The following DAPK2 variants were observed in gnomAD, a reference collection of about 807,000 sequenced individuals.
The protein encoded by DAPK2 is death-associated protein kinase 2.
Under a neutral mutation model 44.1 loss-of-function variants are expected in DAPK2, and 35 were observed. The ratio of observed to expected loss-of-function variants is 0.79; its 90% CI spans 0.61 to 1.05. The LOEUF (loss-of-function observed/expected upper bound fraction) is 1.05, where lower values mean the gene tolerates loss of function less well. Among genes scored for constraint, DAPK2 ranks in the 50% least tolerant of loss-of-function variants. The probability of loss-of-function intolerance (pLI) is 0.00; values close to 1 mark genes in which losing one functional copy is unlikely to be tolerated. For missense variants in DAPK2, 453 were observed against 483.2 expected (o/e 0.94, Z 0.59); for synonymous variants, 174 against 182.6 (o/e 0.95, Z 0.38).
chr15:63,909,603 A>G (rs887338585), intron 10 of DAPK2: 1 of 152,122 alleles, frequency 6.6e-6, no homozygotes, highest in African/African-American at 2.4e-5. Flanking sequence ...GGGATTCGAG[A>G]CCAGCCCAGC....
chr15:63,992,033 T>G (rs4776703), intron 1 of DAPK2, among the ~76,000 whole-genome samples: 145,593 of 152,206 alleles, frequency 0.96, 69,958 homozygotes, highest in East Asian at 1. Flanking sequence ...TGTTGCGGGG[T>G]ACAGGGAGTC....
chr15:64,012,465 T>C lies in DAPK2; in HGVS notation c.92+27705A>G, dbSNP rs140804941. On this transcript the variant is annotated intron_variant, in intron 1 of 10. Transcript: ENST00000261891. ...GCAGACAGCAGATGAGTAAATGAGG[T>C]ATGCAGATGTATGTAAAAAGATGCG... Among the ~76,000 whole-genome samples, 198 of 152,326 alleles carry C rather than the reference T, an allele frequency of 1.3e-3. 1 individual carries two copies. The highest frequency in any genetic ancestry group is 4.3e-3 in the African/African-American group (179 of 41,572).
At chr15:63,986,760 G>A (rs911817534) in intron 1 of DAPK2, among the ~76,000 whole-genome samples, 19 of 152,202 alleles carry the variant, frequency 1.2e-4, no homozygotes, top group African/African-American at 4.3e-4. Context: ...AACTCCTAGT[G>A]TTTAAGTCTC....
chr15:64,031,876 T>C (rs1020254528), intron 1 of DAPK2, among the ~76,000 whole-genome samples: 2 of 152,180 alleles, frequency 1.3e-5, no homozygotes, highest in Non-Finnish European at 2.9e-5. Context: ...GTCCGGTAAA[T>C]GGAAGTAATT....
chr15:63,948,384 A>T (rs1369862815), intron 3 of DAPK2, among the ~76,000 whole-genome samples: 1 of 151,432 alleles, frequency 6.6e-6, no homozygotes, highest in Non-Finnish European at 1.5e-5. Flanking sequence ...GCTTACACTC[A>T]TGGCAGAAGG....
intron 2 of DAPK2, among the ~76,000 whole-genome samples, chr15:63,982,866 G>A (rs1465814650): frequency 6.6e-6 from 1 of 152,144 alleles, no homozygotes; most frequent in Non-Finnish European, 1.5e-5. Context: ...GATTAAATAA[G>A]GTACAGAAGT....
At chr15:64,027,187 A>T (rs925999443) in intron 1 of DAPK2, among the ~76,000 whole-genome samples, 1 of 152,180 alleles carries the variant, frequency 6.6e-6, no homozygotes, top group African/African-American at 2.4e-5. Context: ...ATTCGAGACC[A>T]GCCAGCCAAC....
chr15:63,917,901 A>G lies in DAPK2; in HGVS notation c.859-5704T>C, dbSNP rs2078970689. On this transcript the variant is annotated intron_variant, in intron 8 of 10. Coordinates refer to ENST00000261891, the Ensembl canonical transcript of DAPK2. This position sits in a 1 kb window ranked among gnomAD's most constrained non-coding sequence, Gnocchi z 4.4. ...AGGAAGCTCTATTTTATCACTCACC[A>G]TAGCTTTTCCAATCTAGTTGGCTGG... 2.0e-5 allele frequency: 3 copies of G among 151,984 alleles called. No individual in the cohort carries two copies. The highest frequency in any genetic ancestry group is 6.6e-5 in the Admixed American group (1 of 15,256). The allele number at this position is 151,984 out of a possible 1,614,324, so 9.4% of individuals were successfully genotyped here.
In DAPK2 at chr15:63,939,836, TGGCCAG is replaced by T. The variant is rs1003146452; in HGVS notation, c.454-481_454-476del. On this transcript the variant is annotated intron_variant, in intron 3 of 10. Coordinates refer to ENST00000261891, the Ensembl canonical transcript of DAPK2. This position sits in a 1 kb window ranked among gnomAD's most constrained non-coding sequence, Gnocchi z 4.3. ...GGTCTTCCTGACCGCCTCTTTCCCC[TGGCCAG>T]CCAACTTCCTGTTGACAACATTCCC... 6.6e-6 allele frequency among the ~76,000 whole-genome samples: 1 copy of T among 152,220 alleles called. No individual in the cohort carries two copies. Among genetic ancestry groups the T allele is most frequent in the Non-Finnish European group, 1.5e-5 (1 of 68,038 alleles).
intron 3 of DAPK2, among the ~76,000 whole-genome samples, chr15:63,944,258 T>C (rs4776269): frequency 1 from 151,540 of 152,266 alleles, 75,414 homozygotes; most frequent in Non-Finnish European, 1. Flanking sequence ...ACCTTCACCA[T>C]TCACTTATTG....
intron 3 of DAPK2, among the ~76,000 whole-genome samples, chr15:63,949,595 T>C (rs1417819685): frequency 6.6e-6 from 1 of 152,180 alleles, no homozygotes; most frequent in East Asian, 1.9e-4. Context: ...TCTGTGCTAA[T>C]TGCCTATCGG....
chr15:63,926,221 CCCTCT>C, intron 6 of DAPK2, 128 bp from the exon 8 acceptor site: 4 of 1,054,024 alleles, frequency 3.8e-6, no homozygotes, highest in South Asian at 1.6e-5. Context: ...ACAGCCTGCC[CCCTCT>C]GGGCAGCCAA....
chr15:63,963,926 T>G (rs1409905474), intron 3 of DAPK2, among the ~76,000 whole-genome samples: 1 of 152,222 alleles, frequency 6.6e-6, no homozygotes, highest in African/African-American at 2.4e-5. Flanking sequence ...CTTGAAACAT[T>G]GTAGTTATTT....
intron 3 of DAPK2, among the ~76,000 whole-genome samples, chr15:63,943,111 T>C (rs2077357143): frequency 1.0e-4 from 1 of 10,020 alleles, no homozygotes; most frequent in African/African-American, 5.2e-4. Context: ...TCATTCCTTT[T>C]GCAAAAAAAA....
chr15:63,938,617 T>C (rs1228284962), intron 4 of DAPK2, among the ~76,000 whole-genome samples: 1 of 152,166 alleles, frequency 6.6e-6, no homozygotes, highest in African/African-American at 2.4e-5. Context: ...TCCTTCCCCC[T>C]CTACAGGCTA....
chr15:63,931,012 C>A (rs1337356469), intron 4 of DAPK2, among the ~76,000 whole-genome samples: 2 of 152,060 alleles, frequency 1.3e-5, no homozygotes, highest in East Asian at 3.9e-4. Flanking sequence ...CTGCAGTGAG[C>A]CATCATTGCA....
exon 10 of DAPK2, chr15:63,911,942 A>G (rs1256258715): frequency 6.2e-7 from 1 of 1,614,032 alleles, no homozygotes; most frequent in Non-Finnish European, 8.5e-7. Context: ...CACCTTCTTC[A>G]TCAGCGAGCG....
chr15:63,943,586 C>T (rs1345668592), intron 3 of DAPK2, among the ~76,000 whole-genome samples: 1 of 151,742 alleles, frequency 6.6e-6, no homozygotes, highest in Non-Finnish European at 1.5e-5. Context: ...TAATCTAGCC[C>T]AGGAGGCCGG....
At chr15:63,924,471 C>T (rs368537490) in intron 8 of DAPK2, 2 of 214,538 alleles carry the variant, frequency 9.3e-6, no homozygotes, top group East Asian at 1.1e-4. Flanking sequence ...CTTTCTACAC[C>T]TGGGGAGTCC....
Sources: allele counts gnomAD v4.1 joint callset (sites outside exome capture counted in the v4.1 genomes callset), GRCh38; gene constraint gnomAD v4.1.1; non-coding constraint Gnocchi (gnomAD v3.1); transcripts MANE v1.5; gene names NCBI Gene and HGNC (gene_info 2026-07-23, HGNC 2026-07-21).